DLC1: variants seen among roughly 807,000 people sequenced by gnomAD.
The protein encoded by DLC1 is rho GTPase-activating protein 7.
A neutral mutation model predicts 140.3 loss-of-function variants in DLC1; 54 were observed. That is an observed-to-expected ratio of 0.38 (90% CI 0.31 to 0.48). The LOEUF (loss-of-function observed/expected upper bound fraction) is 0.48. Among genes scored for constraint, DLC1 ranks in the 20% least tolerant of loss-of-function variants. The probability of loss-of-function intolerance (pLI) is 0.96; values close to 1 mark genes in which losing one functional copy is unlikely to be tolerated. For synonymous variants in DLC1, 986 were observed against 728.1 expected, an observed-to-expected ratio of 1.35 and a Z score of -5.70; for missense variants, 2,536 against 1,907.0, an observed-to-expected ratio of 1.33 and a Z score of -6.14.
At chr8:13,532,819 CT>C (rs1444537774) in intron 1 of DLC1, among the ~76,000 whole-genome samples, 1 of 152,176 alleles carries the variant, frequency 6.6e-6, no homozygotes, top group African/African-American at 2.4e-5. Context: ...ATTTCTCACC[CT>C]GTAGACCCTC....
chr8:13,439,331 C>T (rs1234013999), intron 2 of DLC1, among the ~76,000 whole-genome samples: 5 of 151,850 alleles, frequency 3.3e-5, no homozygotes, highest in African/African-American at 4.8e-5. Context: ...GTCAAAAAAA[C>T]AAAAAGAAAA....
intron 4 of DLC1, among the ~76,000 whole-genome samples, chr8:13,318,194 A>T (rs533449131): frequency 6.2e-4 from 91 of 147,394 alleles, no homozygotes; most frequent in African/African-American, 2.1e-3. Flanking sequence ...TCAGCTAATT[A>T]AAATTTTTTT....
At chr8:13,434,896 T>G (rs919963242) in intron 2 of DLC1, among the ~76,000 whole-genome samples, 2 of 152,138 alleles carry the variant, frequency 1.3e-5, no homozygotes, top group Non-Finnish European at 2.9e-5. Context: ...CTTAGGTTGG[T>G]CTTGAACTCC....
At chr8:13,506,569 G>GTGTGTGTGTGTC (rs1802077979) in intron 1 of DLC1, among the ~76,000 whole-genome samples, 1 of 18,362 alleles carries the variant, frequency 5.4e-5, no homozygotes, top group Admixed American at 3.0e-4. Context: ...ACACACACAT[G>GTGTGTGTGTGTC]TGTGTGTGTG....
chr8:13,414,415 C>T (rs1837951611), intron 2 of DLC1, among the ~76,000 whole-genome samples: 1 of 152,048 alleles, frequency 6.6e-6, no homozygotes, highest in Non-Finnish European at 1.5e-5. Flanking sequence ...CTTTTGTGAC[C>T]ATCACTCTCA....
chr8:13,580,461 C>T (rs901836715), intron 1 of DLC1, among the ~76,000 whole-genome samples: 3 of 152,138 alleles, frequency 2.0e-5, no homozygotes, highest in Admixed American at 6.5e-5. Context: ...CAAAGCAGCA[C>T]GGTTGAAAGC....
upstream of DLC1, among the ~76,000 whole-genome samples, chr8:13,517,760 C>T (rs1009328892): frequency 6.6e-6 from 1 of 152,204 alleles, no homozygotes; most frequent in African/African-American, 2.4e-5. Context: ...AACAAAGTAT[C>T]AGGATAGGAG....
At chr8:13,231,276 C>A (rs1829036196) in intron 5 of DLC1, among the ~76,000 whole-genome samples, 1 of 151,784 alleles carries the variant, frequency 6.6e-6, no homozygotes, top group Non-Finnish European at 1.5e-5. Flanking sequence ...GAAACGATTG[C>A]CATTTTATGT....
At chr8:13,539,997 A>C (rs1803430631) in intron 1 of DLC1, among the ~76,000 whole-genome samples, 1 of 152,064 alleles carries the variant, frequency 6.6e-6, no homozygotes, top group Non-Finnish European at 1.5e-5. Context: ...TATTTTAAAA[A>C]CTCTGGAGAC....
chr8:13,456,251 A>G (rs545129969), intron 2 of DLC1, among the ~76,000 whole-genome samples: 1 of 152,166 alleles, frequency 6.6e-6, no homozygotes, highest in East Asian at 1.9e-4. Context: ...ATTTCTCTGT[A>G]TTCTGCCCTT....
chr8:13,211,650 T>C (rs1827947999), intron 5 of DLC1, among the ~76,000 whole-genome samples: 1 of 152,194 alleles, frequency 6.6e-6, no homozygotes, highest in African/African-American at 2.4e-5. Context: ...CAACAAATGC[T>C]AGTCATGTTT....
At chr8:13,393,926 G>A (rs1393291402) in intron 3 of DLC1, among the ~76,000 whole-genome samples, 2 of 152,196 alleles carry the variant, frequency 1.3e-5, no homozygotes, top group Admixed American at 1.3e-4. Flanking sequence ...ATACTATTTG[G>A]TAATTTAACA....
intron 1 of DLC1, among the ~76,000 whole-genome samples, chr8:13,508,108 G>A (rs990735424): frequency 6.6e-6 from 1 of 152,232 alleles, no homozygotes. Context: ...TTATTTCAGC[G>A]GTGCTCTATT....
At chr8:13,498,772 C>G (rs918880780) in intron 2 of DLC1, 2 of 304,370 alleles carry the variant, frequency 6.6e-6, no homozygotes, top group South Asian at 1.9e-4. Flanking sequence ...TTAATTCCAA[C>G]TAAAGAAAGG....
chr8:13,546,417 A>T (rs571509994), intron 1 of DLC1, among the ~76,000 whole-genome samples: 1 of 152,164 alleles, frequency 6.6e-6, no homozygotes, highest in African/African-American at 2.4e-5. Flanking sequence ...CCATAACAGG[A>T]TTGGATTGCA....
intron 5 of DLC1, among the ~76,000 whole-genome samples, chr8:13,181,943 A>G (rs1422755785): frequency 1.3e-5 from 2 of 152,002 alleles, no homozygotes; most frequent in Non-Finnish European, 2.9e-5. Context: ...ACTAATTTAT[A>G]CTCCCACCAA....
chr8:13,586,421 C>G (rs944039018), intron 1 of DLC1, among the ~76,000 whole-genome samples: 8 of 152,032 alleles, frequency 5.3e-5, no homozygotes, highest in Non-Finnish European at 1.0e-4. Context: ...CTCATACGTT[C>G]TCATTATGTA....
At chr8:13,385,098 C>G (rs961910813) in intron 4 of DLC1, among the ~76,000 whole-genome samples, 1 of 152,010 alleles carries the variant, frequency 6.6e-6, no homozygotes, top group Non-Finnish European at 1.5e-5. Context: ...TGGGGGTGCC[C>G]TAGAGTGCAT....
chr8:13,093,495 T>C (rs564766326), intron 12 of DLC1, among the ~76,000 whole-genome samples: 5 of 152,252 alleles, frequency 3.3e-5, no homozygotes, highest in Admixed American at 2.0e-4. Flanking sequence ...TATGCAAATA[T>C]ATAAAAATGC....
Sources: gnomAD v4.1 joint callset for allele counts (sites outside exome capture counted in the v4.1 genomes callset) on GRCh38, gnomAD v4.1.1 for gene constraint, MANE v1.5 for transcripts, NCBI Gene and HGNC (gene_info 2026-07-23, HGNC 2026-07-21) for gene names.